DRAM1: variants seen among roughly 807,000 people sequenced by gnomAD.
DRAM1 encodes DNA damage regulated autophagy modulator 1.
Under a neutral mutation model 28.5 loss-of-function variants are expected in DRAM1, and 25 were observed. That is an observed-to-expected ratio of 0.88 (90% CI 0.64 to 1.23). DRAM1 has a LOEUF of 1.23. Among genes scored for constraint, DRAM1 ranks in the 50% most tolerant of loss-of-function variants. The pLI is 0.00. For synonymous variants in DRAM1, 113 were observed against 114.2 expected (o/e 0.99, Z 0.07); for missense variants, 249 against 299.2 (o/e 0.83, Z 1.24).
At chr12:101,909,954 C>T (rs761224571) in intron 4 of DRAM1, among the ~76,000 whole-genome samples, 9 of 152,250 alleles carry the variant, frequency 5.9e-5, no homozygotes, top group Middle Eastern at 3.4e-3. Flanking sequence ...ATGTTATCGG[C>T]GGCAATTTTG....
At chr12:101,900,684 T>C (rs566199053) in intron 2 of DRAM1, among the ~76,000 whole-genome samples, 41 of 152,312 alleles carry the variant, frequency 2.7e-4, no homozygotes, top group African/African-American at 9.9e-4. Context: ...GCATACACAA[T>C]TGCTCGCAAA....
chr12:101,877,769 G>A lies in DRAM1; in HGVS notation c.-21G>A. The A allele has an allele frequency of 6.8e-7, 1 of 1,477,216 alleles. No homozygotes were observed. The highest frequency in any genetic ancestry group is 1.3e-5 in the South Asian group (1 of 76,270). The allele number at this position is 1,477,216 out of a possible 1,614,324, so 91.5% of individuals were successfully genotyped here. ...CCGGCCCCGCTGGGCGCAGCACTCC[G>A]TCGGCGGCGGCGGCGGCGCGATGCT... On this transcript the variant is annotated 5_prime_UTR_variant, in exon 1 of 7. Coordinates refer to ENST00000258534, the MANE Select transcript of DRAM1 (RefSeq NM_018370.3). The surrounding 1 kb of genome is among the most constrained non-coding windows in gnomAD (Gnocchi z 4.1).
rs1468497808 is a variant in DRAM1, at chr12:101,922,776, T to C, written c.*1516T>C. On this transcript the variant is annotated 3_prime_UTR_variant, in exon 7 of 7. Transcript: ENST00000258534. Reference sequence around the variant, plus strand: ...TTTTCTTTAAGTGAATGGAAGAGTTTGACAGAGATACACCTTTGTAAGAAA... The same window carrying C: ...TTTTCTTTAAGTGAATGGAAGAGTTCGACAGAGATACACCTTTGTAAGAAA... The C allele has an allele frequency of 1.2e-4, 18 of 152,336 alleles. No individual in the cohort carries two copies. The East Asian group carries it at 3.5e-3, about 29-fold the overall frequency. 9.4% of individuals were successfully genotyped at this position (152,336 alleles called of 1,614,324 possible). A position where few individuals can be genotyped will look rare whatever the true frequency, so the allele number is the denominator to read the frequency against.
At chr12:101,920,599 A>G (rs886447352) in intron 6 of DRAM1, among the ~76,000 whole-genome samples, 15 of 152,196 alleles carry the variant, frequency 9.9e-5, no homozygotes, top group Non-Finnish European at 2.9e-5. Context: ...AATAATACAA[A>G]GTAAATATAT....
intron 1 of DRAM1, among the ~76,000 whole-genome samples, chr12:101,884,391 A>G (rs1872806905): frequency 6.6e-6 from 1 of 151,250 alleles, no homozygotes; most frequent in Admixed American, 6.6e-5. Flanking sequence ...AAAAAAAAAA[A>G]GATTTGCACA....
intron 5 of DRAM1, among the ~76,000 whole-genome samples, chr12:101,917,723 A>G (rs1409477090): frequency 6.6e-6 from 1 of 151,764 alleles, no homozygotes; most frequent in African/African-American, 2.4e-5. Flanking sequence ...CTTCTTTAAA[A>G]TCTAACCTTA....
At chr12:101,895,071 T>C (rs1873294637) in intron 1 of DRAM1, among the ~76,000 whole-genome samples, 1 of 152,006 alleles carries the variant, frequency 6.6e-6, no homozygotes, top group Non-Finnish European at 1.5e-5. Flanking sequence ...CCCATTCCTG[T>C]CTCTCTGCCC....
chr12:101,895,192 T>TTTTTTTTTG (rs1873307298), intron 1 of DRAM1, among the ~76,000 whole-genome samples: 1 of 124,080 alleles, frequency 8.1e-6, no homozygotes, highest in Non-Finnish European at 1.6e-5. Flanking sequence ...TCAGGTTTTT[T>TTTTTTTTTG]TTTTTTTTTT....
At chr12:101,879,892 G>A (rs1872630473) in intron 1 of DRAM1, among the ~76,000 whole-genome samples, 2 of 151,942 alleles carry the variant, frequency 1.3e-5, no homozygotes, top group African/African-American at 2.4e-5. Context: ...TACTCGGGAG[G>A]CTGAGGCAGA....
chr12:101,915,819 T>C (rs1874221122), intron 5 of DRAM1, among the ~76,000 whole-genome samples: 2 of 151,782 alleles, frequency 1.3e-5, no homozygotes, highest in Admixed American at 1.3e-4. Flanking sequence ...CTTGGCCTCC[T>C]AAAGTGCTGG....
intron 1 of DRAM1, among the ~76,000 whole-genome samples, chr12:101,883,649 T>C (rs1234711507): frequency 5.5e-5 from 8 of 145,426 alleles, no homozygotes; most frequent in African/African-American, 2.0e-4. Flanking sequence ...ATTAAAAACA[T>C]GAGGCCGGGC....
Position 101,877,953 on chromosome 12 carries a change from A to G in DRAM1, c.131+33A>G. On this transcript the variant is annotated intron_variant, in intron 1 of 6. Coordinates refer to ENST00000258534, the MANE Select transcript of DRAM1 (RefSeq NM_018370.3). The surrounding 1 kb of genome is among the most constrained non-coding windows in gnomAD (Gnocchi z 4.1). ...GCAGGGTGGGCGTCAGGGCCCCAGG[A>G]GCAGGCACAGGGACCACAGGGAGCG... The G allele has an allele frequency of 1.4e-6, 2 of 1,480,142 alleles. No homozygotes were observed. Among genetic ancestry groups the G allele is most frequent in the Non-Finnish European group, 1.8e-6 (2 of 1,106,564 alleles). The allele number at this position is 1,480,142 out of a possible 1,614,324, so 91.7% of individuals were successfully genotyped here. A position where few individuals can be genotyped will look rare whatever the true frequency, so the allele number is the denominator to read the frequency against.
intron 5 of DRAM1, among the ~76,000 whole-genome samples, chr12:101,916,033 C>T (rs560832367): frequency 2.0e-5 from 3 of 152,300 alleles, no homozygotes; most frequent in African/African-American, 2.4e-5. Context: ...AAATGATTAA[C>T]ACAAGAATGA....
rs187452179 is a variant in DRAM1, at chr12:101,920,014, C to G, written c.580-95C>G. 8 of 846,498 alleles carry G rather than the reference C, an allele frequency of 9.5e-6. No homozygotes were observed. The East Asian group carries it at 1.7e-4, about 18-fold the overall frequency. 52.4% of individuals were successfully genotyped at this position (846,498 alleles called of 1,614,324 possible). On this transcript the variant is annotated intron_variant, in intron 5 of 6. Transcript: ENST00000258534. The stretch of plus-strand genomic sequence containing the variant: ...GTTCTGACTTATGCTCACTGGACAG[C>G]TTTTTCCTTTGGTTGAAACTCCTCA...
chr12:101,901,415 C>T lies in DRAM1; in HGVS notation c.324C>T (p.Gly108=), dbSNP rs993593033. The change falls in exon 3 of 7, where the codon GGC becomes GGT. Residue 108 remains glycine (G), a synonymous_variant. Coordinates refer to ENST00000258534, the MANE Select transcript of DRAM1 (RefSeq NM_018370.3). ...GATTGGTGGGATGTTTCGGAATGGGCATTGTCGCCAATTTTCAGGTATAAT... is the reference window on the plus strand; with the variant it reads ...GATTGGTGGGATGTTTCGGAATGGGTATTGTCGCCAATTTTCAGGTATAAT... The part of the protein sequence containing the change: ...VLGLVGCFGM[G]IVANFQELAV... The T allele has an allele frequency of 1.1e-5, 18 of 1,613,848 alleles. No homozygotes were observed. The African/African-American group carries it at 1.9e-4, about 17-fold the overall frequency.
intron 4 of DRAM1, among the ~76,000 whole-genome samples, chr12:101,912,727 C>G: frequency 7.0e-6 from 1 of 142,040 alleles, no homozygotes; most frequent in Non-Finnish European, 1.5e-5. Context: ...TTCCTTGGCT[C>G]AACATTTTTT....
At chr12:101,883,532 T>A (rs1411649217) in intron 1 of DRAM1, among the ~76,000 whole-genome samples, 1 of 151,148 alleles carries the variant, frequency 6.6e-6, no homozygotes, top group Non-Finnish European at 1.5e-5. Flanking sequence ...GCCAGGGTGG[T>A]CTCGATCTCC....
At chr12:101,900,865 T>G (rs1175156728) in intron 2 of DRAM1, among the ~76,000 whole-genome samples, 1 of 152,098 alleles carries the variant, frequency 6.6e-6, no homozygotes, top group Non-Finnish European at 1.5e-5. Context: ...AGGAAAAACA[T>G]GGAAACAATG....
chr12:101,906,311 C>G (rs1336289433), intron 3 of DRAM1, among the ~76,000 whole-genome samples: 1 of 151,962 alleles, frequency 6.6e-6, no homozygotes, highest in Non-Finnish European at 1.5e-5. Flanking sequence ...CATTTGTGCT[C>G]CAGCTTGAGG....
Sources: allele counts gnomAD v4.1 joint callset (sites outside exome capture counted in the v4.1 genomes callset), GRCh38; gene constraint gnomAD v4.1.1; non-coding constraint Gnocchi (gnomAD v3.1); transcripts MANE v1.5; gene names NCBI Gene and HGNC (gene_info 2026-07-23, HGNC 2026-07-21).